Variants in FAM200B observed in about 807,000 individuals in gnomAD.
FAM200B encodes zinc finger BED-type containing 11.
Under a neutral mutation model 33.1 loss-of-function variants are expected in FAM200B, and 32 were observed. That is an observed-to-expected ratio of 0.97 (90% CI 0.73 to 1.30). FAM200B has a LOEUF of 1.30. Among genes scored for constraint, FAM200B ranks in the 50% most tolerant of loss-of-function variants. The pLI, the probability that FAM200B is intolerant of heterozygous loss-of-function variation, is 0.00. For missense variants in FAM200B, 741 were observed against 754.0 expected (o/e 0.98, Z 0.20); for synonymous variants, 240 against 264.8 (o/e 0.91, Z 0.91).
the FAM200B span, among the ~76,000 whole-genome samples, chr4:15,647,919 T>C: frequency 6.6e-6 from 1 of 151,482 alleles, no homozygotes. Flanking sequence ...AGTGGCATGA[T>C]CATAGCTCAC....
the FAM200B span, chr4:15,640,923 G>A: frequency 4.7e-4 from 542 of 1,147,588 alleles, 3 homozygotes; most frequent in African/African-American, 7.3e-3. Context: ...TAAAAGTTTC[G>A]CTTCATTAAT....
At chr4:15,660,263 T>G in the FAM200B span, among the ~76,000 whole-genome samples, 2 of 152,108 alleles carry the variant, frequency 1.3e-5, no homozygotes, top group East Asian at 1.9e-4. Context: ...TTTTATTTTT[T>G]GTAGAGGTGC....
the FAM200B span, among the ~76,000 whole-genome samples, chr4:15,646,335 G>A: frequency 6.6e-6 from 1 of 151,252 alleles, no homozygotes; most frequent in East Asian, 1.9e-4. Context: ...AAAAAACACA[G>A]GCAGGACATA....
At chr4:15,638,128 T>C in the FAM200B span, among the ~76,000 whole-genome samples, 1 of 152,150 alleles carries the variant, frequency 6.6e-6, no homozygotes, top group Non-Finnish European at 1.5e-5. Flanking sequence ...CTATGGTCAA[T>C]AAAGCTCAGG....
At position 15,687,538 on chromosome 4, in the gene FAM200B, A is replaced by G; in HGVS notation, c.561A>G (p.Ser187=). The G allele has an allele frequency of 6.4e-7, 1 of 1,550,594 alleles. No individual in the cohort carries two copies. The highest frequency in any genetic ancestry group is 8.7e-7 in the Non-Finnish European group (1 of 1,146,440). ...TGCGTACAATATTTGATGATAAATCAGCTGATAAATTAAAAACTATACCTA... is the reference window on the plus strand; with the variant it reads ...TGCGTACAATATTTGATGATAAATCGGCTGATAAATTAAAAACTATACCTA... ...DMVRTIFDDK[S]ADKLKTIPND... is the part of the protein sequence containing the mutation. The change falls in exon 2 of 2, where the codon TCA becomes TCG. Residue 187 remains serine (S), a synonymous_variant. Coordinates refer to ENST00000422728, the MANE Select transcript of FAM200B (RefSeq NM_001145191.2).
the FAM200B span, chr4:15,656,089 G>C: frequency 4.6e-6 from 2 of 436,550 alleles, no homozygotes; most frequent in Non-Finnish European, 9.3e-6. Flanking sequence ...CTCAAGTGCA[G>C]GAACGCGGGT....
the FAM200B span, among the ~76,000 whole-genome samples, chr4:15,662,761 A>G: frequency 1.3e-5 from 2 of 152,250 alleles, no homozygotes; most frequent in South Asian, 4.1e-4. Context: ...AGCTGATACT[A>G]TAGTAAGATG....
the FAM200B span, among the ~76,000 whole-genome samples, chr4:15,642,038 A>G: frequency 6.6e-6 from 1 of 151,930 alleles, no homozygotes; most frequent in African/African-American, 2.4e-5. Flanking sequence ...AAAAAAAAAA[A>G]AGAAAAAATT....
At chr4:15,661,172 G>A in the FAM200B span, among the ~76,000 whole-genome samples, 1 of 152,098 alleles carries the variant, frequency 6.6e-6, no homozygotes, top group South Asian at 2.1e-4. Flanking sequence ...TCCCTAAAAT[G>A]TCTCTACCAA....
the FAM200B span, among the ~76,000 whole-genome samples, chr4:15,657,034 GAAT>G: frequency 6.6e-6 from 1 of 152,166 alleles, no homozygotes; most frequent in Non-Finnish European, 1.5e-5. Flanking sequence ...TTAAGAAATA[GAAT>G]AATAATAAAA....
At chr4:15,676,359 T>C in the FAM200B span, among the ~76,000 whole-genome samples, 1 of 152,100 alleles carries the variant, frequency 6.6e-6, no homozygotes, top group African/African-American at 2.4e-5. Context: ...TGAAAGATTG[T>C]ATGAGGATGG....
chr4:15,644,475 T>A, the FAM200B span: 5 of 1,582,754 alleles, frequency 3.2e-6, no homozygotes, highest in Non-Finnish European at 4.3e-6. Flanking sequence ...CAGTTGAATA[T>A]CCATTTTTGC....
the FAM200B span, among the ~76,000 whole-genome samples, chr4:15,674,204 GTT>G: frequency 9.4e-3 from 1,321 of 140,196 alleles, 13 homozygotes; most frequent in African/African-American, 0.026. Flanking sequence ...AATGCATCGT[GTT>G]TTTTTTTTTT....
the FAM200B span, chr4:15,638,716 C>T: frequency 3.4e-6 from 5 of 1,459,140 alleles, no homozygotes; most frequent in African/African-American, 3.2e-5. Flanking sequence ...AAAATATTCA[C>T]GAGGAAAGAT....
At chr4:15,663,120 C>T in the FAM200B span, among the ~76,000 whole-genome samples, 1 of 152,066 alleles carries the variant, frequency 6.6e-6, no homozygotes, top group Non-Finnish European at 1.5e-5. Context: ...TTATTCTTGC[C>T]AGTCTTTTAC....
the FAM200B span, among the ~76,000 whole-genome samples, chr4:15,647,042 G>A: frequency 1.5e-4 from 22 of 151,390 alleles, no homozygotes; most frequent in Admixed American, 1.4e-3. Flanking sequence ...GACCAACATG[G>A]TGAAACCCCA....
upstream of FAM200B, among the ~76,000 whole-genome samples, chr4:15,679,542 C>G (rs1718123399): frequency 7.0e-6 from 1 of 142,228 alleles, no homozygotes; most frequent in South Asian, 2.2e-4. Context: ...GAGAAATATG[C>G]TAAAGGTACA....
At chr4:15,679,064 T>G (rs1404570695), upstream of FAM200B, among the ~76,000 whole-genome samples, 1 of 39,570 alleles carries the variant, frequency 2.5e-5, no homozygotes, top group Non-Finnish European at 5.4e-5. Flanking sequence ...AAAATCTCTA[T>G]TTTTTTTTTT....
the FAM200B span, among the ~76,000 whole-genome samples, chr4:15,671,517 T>A: frequency 2.6e-5 from 4 of 152,058 alleles, no homozygotes; most frequent in South Asian, 2.1e-4. Flanking sequence ...AAAGCAATCC[T>A]CCTGCCTCAG....
Sources: allele counts gnomAD v4.1 joint callset (sites outside exome capture counted in the v4.1 genomes callset), GRCh38; gene constraint gnomAD v4.1.1; transcripts MANE v1.5; gene names NCBI Gene and HGNC (gene_info 2026-07-23, HGNC 2026-07-21).